ZNF618: variants seen among roughly 807,000 people sequenced by gnomAD.
ZNF618 encodes zinc finger protein 618.
In ZNF618, 34 loss-of-function variants were observed where a neutral mutation model predicts 103.0. The observed-to-expected ratio is 0.33, with a 90% CI of 0.25 to 0.44. ZNF618 has a LOEUF of 0.44. ZNF618 is among the 20% of genes least tolerant of loss of function. The pLI is 1.00. For synonymous variants in ZNF618, 551 were observed against 542.2 expected, an observed-to-expected ratio of 1.02 and a Z score of -0.23; for missense variants, 1,059 against 1,295.4, an observed-to-expected ratio of 0.82 and a Z score of 2.80.
intron 10 of ZNF618, among the ~76,000 whole-genome samples, chr9:114,018,853 C>T (rs957090811): frequency 7.2e-5 from 11 of 152,160 alleles, no homozygotes; most frequent in Admixed American, 5.2e-4. Flanking sequence ...TAAAATACAG[C>T]ATGAGAGATT....
At chr9:114,002,490 A>G in intron 5 of ZNF618, 134 bp from the exon 6 acceptor site, 1 of 905,060 alleles carries the variant, frequency 1.1e-6, no homozygotes, top group Non-Finnish European at 1.7e-6. Flanking sequence ...CAGGGAGGAG[A>G]GGCTGGCATC....
rs113227374 is a variant in ZNF618, at chr9:114,036,696, G to A, written c.1246+319G>A. Among the ~76,000 whole-genome samples, 604 of 152,338 alleles carry A rather than the reference G, an allele frequency of 4.0e-3. 2 individuals are homozygous for A. Among genetic ancestry groups the A allele is most frequent in the African/African-American group, 0.013 (549 of 41,584 alleles). On this transcript the variant is annotated intron_variant, in intron 13 of 14. Coordinates refer to ENST00000374126, the MANE Select transcript of ZNF618 (RefSeq NM_001318042.2). ...GCCAAGTAGGAGCTAGCCTGGAAGCGAAATGTGCAGGTGGAAATGGAACAT... is the reference window on the plus strand; with the variant it reads ...GCCAAGTAGGAGCTAGCCTGGAAGCAAAATGTGCAGGTGGAAATGGAACAT...
intron 10 of ZNF618, among the ~76,000 whole-genome samples, chr9:114,019,231 G>A (rs1239798084): frequency 1.3e-5 from 2 of 152,056 alleles, no homozygotes; most frequent in Non-Finnish European, 2.9e-5. Context: ...TGAAAATACC[G>A]TTTGTTAGCC....
intron 10 of ZNF618, among the ~76,000 whole-genome samples, chr9:114,018,747 C>T (rs993919085): frequency 6.6e-6 from 1 of 152,190 alleles, no homozygotes. Flanking sequence ...CTTTTGCTTT[C>T]TATTATGAAC....
chr9:113,922,776 C>T (rs951005624), intron 1 of ZNF618, among the ~76,000 whole-genome samples: 7 of 152,106 alleles, frequency 4.6e-5, no homozygotes, highest in Non-Finnish European at 8.8e-5. Flanking sequence ...ATTGTATTGG[C>T]TATTCTGGGT....
intron 2 of ZNF618, among the ~76,000 whole-genome samples, chr9:113,982,439 TTCTG>T (rs1321633016): frequency 1.3e-5 from 2 of 152,172 alleles, no homozygotes; most frequent in Non-Finnish European, 2.9e-5. Context: ...GTAACTTCTC[TTCTG>T]TCTGTCTTAA....
chr9:114,046,563 A>G (rs1364511674), intron 13 of ZNF618, among the ~76,000 whole-genome samples: 1 of 152,210 alleles, frequency 6.6e-6, no homozygotes, highest in Non-Finnish European at 1.5e-5. Flanking sequence ...ACATGACTCT[A>G]CATGTTGAAT....
At position 113,876,361 on chromosome 9, in the gene ZNF618, G is replaced by T; in HGVS notation, c.-20G>T. ...GGGAGGAGCAGGACGCGCCGGGGCC[G>T]CCTCCTCCCGCACGGACCCATGAAC... is the stretch of plus-strand genomic sequence containing the variant. On this transcript the variant is annotated 5_prime_UTR_variant, in exon 1 of 15. Transcript: ENST00000374126. The T allele has an allele frequency of 8.4e-7, 1 of 1,191,942 alleles. No individual in the cohort carries two copies. The allele number at this position is 1,191,942 out of a possible 1,614,324, so 73.8% of individuals were successfully genotyped here.
intron 13 of ZNF618, among the ~76,000 whole-genome samples, chr9:114,040,682 A>G (rs1335634754): frequency 2.0e-4 from 30 of 152,182 alleles, no homozygotes; most frequent in Non-Finnish European, 1.8e-4. Flanking sequence ...ATGGCTGCAT[A>G]GTATTCCATG....
At chr9:114,039,491 C>T (rs1223186846) in intron 13 of ZNF618, among the ~76,000 whole-genome samples, 1 of 152,146 alleles carries the variant, frequency 6.6e-6, no homozygotes, top group African/African-American at 2.4e-5. Context: ...GCTGGGATTA[C>T]AGGCATACAC....
At chr9:113,884,812 GAC>G (rs376276239) in intron 1 of ZNF618, among the ~76,000 whole-genome samples, 15 of 143,588 alleles carry the variant, frequency 1.0e-4, no homozygotes, top group South Asian at 2.3e-4. Context: ...GAGAGAGAGA[GAC>G]AGAGAAACTG....
intron 6 of ZNF618, 87 bp downstream of exon 6, chr9:114,002,749 C>A: frequency 6.7e-7 from 1 of 1,484,308 alleles, no homozygotes. Context: ...TCCCCCAGAA[C>A]TGCTCCAGGT....
chr9:114,030,663 C>T (rs1843935963), intron 11 of ZNF618: 1 of 152,240 alleles, frequency 6.6e-6, no homozygotes, highest in Admixed American at 6.5e-5. Context: ...GAGCAGGAGC[C>T]TGCATGGGAG....
chr9:113,951,577 ATGTGTGTGTGTGTGTGTGTG>A (rs33967417), intron 1 of ZNF618, among the ~76,000 whole-genome samples: 1 of 49,128 alleles, frequency 2.0e-5, no homozygotes, highest in African/African-American at 6.5e-5. Flanking sequence ...GTGTGTGTAT[ATGTGTGTGTGTGTGTGTGTG>A]TATATATATG....
chr9:114,043,407 C>G (rs1049297354), intron 13 of ZNF618, among the ~76,000 whole-genome samples: 1 of 152,190 alleles, frequency 6.6e-6, no homozygotes, highest in Non-Finnish European at 1.5e-5. Flanking sequence ...CATCTTCCTT[C>G]TTGGTAATAG....
At chr9:113,955,776 T>C (rs1036691142) in intron 1 of ZNF618, among the ~76,000 whole-genome samples, 5 of 152,162 alleles carry the variant, frequency 3.3e-5, no homozygotes, top group African/African-American at 1.2e-4. Context: ...TTTTTTTCTA[T>C]GTATATTTCT....
intron 1 of ZNF618, among the ~76,000 whole-genome samples, chr9:113,899,511 A>T (rs759771497): frequency 6.6e-6 from 1 of 152,168 alleles, no homozygotes; most frequent in South Asian, 2.1e-4. Flanking sequence ...CGCGAACCCT[A>T]TTGTGAATTG....
intron 3 of ZNF618, among the ~76,000 whole-genome samples, chr9:113,993,519 G>A (rs556208352): frequency 1.5e-4 from 23 of 152,318 alleles, no homozygotes; most frequent in African/African-American, 4.6e-4. Flanking sequence ...AAGGATGCCC[G>A]CATCCCATTA....
At chr9:114,001,926 C>T (rs1231530509) in intron 4 of ZNF618, 70 bp from the exon 5 acceptor site, 19 of 1,343,932 alleles carry the variant, frequency 1.4e-5, no homozygotes, top group African/African-American at 1.1e-4. Flanking sequence ...TTGTAGGCAT[C>T]GCCTGTGGGT....
Sources: gnomAD v4.1 joint callset for allele counts (sites outside exome capture counted in the v4.1 genomes callset) on GRCh38, gnomAD v4.1.1 for gene constraint, MANE v1.5 for transcripts, NCBI Gene and HGNC (gene_info 2026-07-23, HGNC 2026-07-21) for gene names.